Variants in PAK5 observed in about 807,000 individuals in gnomAD.
PAK5 encodes serine/threonine-protein kinase PAK 5.
PAK5 carries 16 observed loss-of-function variants against 65.9 expected under a neutral mutation model. That is an observed-to-expected ratio of 0.24 (90% CI 0.16 to 0.37). The LOEUF is 0.37. Ranked by LOEUF, PAK5 falls within the 10% of genes least tolerant of loss-of-function variation. The pLI, the probability that PAK5 is intolerant of heterozygous loss-of-function variation, is 1.00. For synonymous variants in PAK5, 371 were observed against 354.9 expected, an observed-to-expected ratio of 1.05 and a Z score of -0.51; for missense variants, 785 against 903.9, an observed-to-expected ratio of 0.87 and a Z score of 1.69.
chr20:9,703,519 G>C (rs963206044), intron 2 of PAK5, among the ~76,000 whole-genome samples: 5 of 152,160 alleles, frequency 3.3e-5, no homozygotes, highest in African/African-American at 1.2e-4. Flanking sequence ...AAGGTTGCCA[G>C]GTGGAAGTTA....
At chr20:9,575,342 A>C (rs1451300908) in intron 4 of PAK5, among the ~76,000 whole-genome samples, 1 of 152,154 alleles carries the variant, frequency 6.6e-6, no homozygotes, top group Non-Finnish European at 1.5e-5. Context: ...GTTGTGTGCC[A>C]CCATGCCCAG....
intron 2 of PAK5, among the ~76,000 whole-genome samples, chr20:9,661,881 A>G (rs1472949087): frequency 6.6e-6 from 1 of 152,144 alleles, no homozygotes; most frequent in East Asian, 1.9e-4. Flanking sequence ...CTACAACCAC[A>G]AAAGGTAGCA....
chr20:9,659,356 T>A (rs1802867868), intron 2 of PAK5, among the ~76,000 whole-genome samples: 2 of 152,196 alleles, frequency 1.3e-5, no homozygotes, highest in Non-Finnish European at 2.9e-5. Flanking sequence ...CACAAACACT[T>A]GCATAATTCT....
At chr20:9,657,989 C>T (rs1022252811) in intron 2 of PAK5, among the ~76,000 whole-genome samples, 1 of 152,156 alleles carries the variant, frequency 6.6e-6, no homozygotes, top group Admixed American at 6.6e-5. Context: ...CCAAATACAC[C>T]CATCTACTTT....
chr20:9,548,455 G>A (rs982787521), intron 7 of PAK5, among the ~76,000 whole-genome samples: 11 of 151,872 alleles, frequency 7.2e-5, no homozygotes, highest in Non-Finnish European at 2.9e-5. Context: ...GTATACATGT[G>A]CCATGCTGGT....
At chr20:9,640,341 T>C (rs1277049395) in intron 3 of PAK5, among the ~76,000 whole-genome samples, 1 of 151,800 alleles carries the variant, frequency 6.6e-6, no homozygotes, top group Non-Finnish European at 1.5e-5. Flanking sequence ...GATAGTTTGC[T>C]GAGAATGATG....
In PAK5 at chr20:9,655,342, T is replaced by C. The variant is rs144188298; in HGVS notation, c.-11-11003A>G. 3.6e-4 allele frequency among the ~76,000 whole-genome samples: 55 copies of C among 152,152 alleles called. 1 individual carries two copies. The East Asian group carries it at 9.1e-3, about 25-fold the overall frequency. ...GACCATTTTCTATTTGTTTGTGTTA[T>C]CCCTGCACACATCCTGATTTTTTAT... On this transcript the variant is annotated intron_variant, in intron 2 of 9. Coordinates refer to ENST00000353224, the MANE Select transcript of PAK5 (RefSeq NM_177990.4).
At chr20:9,713,001 C>A (rs939158641) in intron 1 of PAK5, among the ~76,000 whole-genome samples, 8 of 151,722 alleles carry the variant, frequency 5.3e-5, no homozygotes, top group Admixed American at 2.0e-4. Flanking sequence ...GGCAAAAAAA[C>A]CAAAAGTAGA....
At position 9,662,774 on chromosome 20, in the gene PAK5, CA is replaced by C. The variant is rs1039238616; in HGVS notation, c.-11-18436del. Reference sequence around the variant, plus strand: ...ATGGGCATTACTCTAATATACTTATCATTTTTTTTTCTGATAACAACACTAT... The same window carrying C: ...ATGGGCATTACTCTAATATACTTATCTTTTTTTTTCTGATAACAACACTAT... On this transcript the variant is annotated intron_variant, in intron 2 of 9. Coordinates refer to ENST00000353224, the MANE Select transcript of PAK5 (RefSeq NM_177990.4). Among the ~76,000 whole-genome samples the C allele has an allele frequency of 6.0e-4, 92 of 152,196 alleles. 1 individual carries two copies. The highest frequency in any genetic ancestry group is 2.1e-3 in the African/African-American group (86 of 41,532).
At chr20:9,582,591 T>C (rs1347739219) in intron 3 of PAK5, among the ~76,000 whole-genome samples, 1 of 152,176 alleles carries the variant, frequency 6.6e-6, no homozygotes, top group Non-Finnish European at 1.5e-5. Flanking sequence ...TCCCCTTCCC[T>C]AGCTTTCTGT....
intron 2 of PAK5, among the ~76,000 whole-genome samples, chr20:9,675,515 T>C (rs968437839): frequency 4.6e-5 from 7 of 152,142 alleles, no homozygotes; most frequent in African/African-American, 1.7e-4. Flanking sequence ...TATTATTTAT[T>C]TATTTATTTT....
intron 3 of PAK5, among the ~76,000 whole-genome samples, chr20:9,618,398 T>G (rs1229848282): frequency 2.7e-5 from 4 of 149,518 alleles, no homozygotes; most frequent in African/African-American, 7.4e-5. Flanking sequence ...TATTACGGCC[T>G]GGAACTTTTT....
At position 9,593,308 on chromosome 20, in the gene PAK5, GA is replaced by G. The variant is rs201745010; in HGVS notation, c.205-12379del. On this transcript the variant is annotated intron_variant, in intron 3 of 9. Transcript: ENST00000353224. The stretch of plus-strand genomic sequence containing the variant: ...AACAGAGTGAGACCCTGTATCAAAA[GA>G]AAAAAAAAGAGTTGGTAGGTTAGGC... 4.7e-5 allele frequency among the ~76,000 whole-genome samples: 7 copies of G among 150,216 alleles called. No homozygotes were observed. The East Asian group carries it at 5.8e-4, about 13-fold the overall frequency.
At chr20:9,707,189 TG>T (rs1303711437) in intron 2 of PAK5, among the ~76,000 whole-genome samples, 1 of 151,866 alleles carries the variant, frequency 6.6e-6, no homozygotes, top group East Asian at 1.9e-4. Flanking sequence ...TGGAGTGCAG[TG>T]GTATGATCAC....
At chr20:9,559,312 A>G (rs926527897) in intron 6 of PAK5, among the ~76,000 whole-genome samples, 1 of 152,204 alleles carries the variant, frequency 6.6e-6, no homozygotes, top group South Asian at 2.1e-4. Context: ...AAACTTGTGA[A>G]ACTCCAGTAA....
intron 1 of PAK5, among the ~76,000 whole-genome samples, chr20:9,784,674 G>A (rs2048974481): frequency 6.6e-6 from 1 of 151,734 alleles, no homozygotes; most frequent in East Asian, 1.9e-4. Context: ...CTCAAATTTT[G>A]CAGGAGGTTT....
rs1350813622 is a variant in PAK5 at position 9,832,278 on chromosome 20, C to CT, written c.-162+6483dup. 2.7e-3 allele frequency among the ~76,000 whole-genome samples: 416 copies of CT among 151,662 alleles called. 4 individuals are homozygous for CT. Among genetic ancestry groups the CT allele is most frequent in the African/African-American group, 9.5e-3 (393 of 41,382 alleles). ...AACTTTTAAAAGTTTTGACAACTTT[C>CT]TTTTTTTTAATGGTGACAGAGTATC... On this transcript the variant is annotated intron_variant, in intron 1 of 9. Coordinates refer to ENST00000353224, the MANE Select transcript of PAK5 (RefSeq NM_177990.4).
intron 7 of PAK5, among the ~76,000 whole-genome samples, chr20:9,549,659 G>A (rs552636086): frequency 6.6e-6 from 1 of 152,166 alleles, no homozygotes; most frequent in Non-Finnish European, 1.5e-5. Flanking sequence ...AGGAAAAATT[G>A]AACTAAACGC....
At chr20:9,700,224 C>T (rs1269602896) in intron 2 of PAK5, among the ~76,000 whole-genome samples, 1 of 151,974 alleles carries the variant, frequency 6.6e-6, no homozygotes, top group Non-Finnish European at 1.5e-5. Context: ...CCAGCCTGGA[C>T]AACATAGTGA....
Sources: gnomAD v4.1 joint callset for allele counts (sites outside exome capture counted in the v4.1 genomes callset) on GRCh38, gnomAD v4.1.1 for gene constraint, MANE v1.5 for transcripts, NCBI Gene and HGNC (gene_info 2026-07-23, HGNC 2026-07-21) for gene names.